The following STXBP5 variants were observed in gnomAD, a reference collection of about 807,000 sequenced individuals.
The protein encoded by STXBP5 is syntaxin-binding protein 5.
A neutral mutation model predicts 152.4 loss-of-function variants in STXBP5; 50 were observed. That is an observed-to-expected ratio of 0.33 (90% CI 0.26 to 0.42). STXBP5 has a LOEUF of 0.42. STXBP5 is among the 10% of genes least tolerant of loss of function. The pLI is 1.00. For synonymous variants in STXBP5, 492 were observed against 494.7 expected (o/e 0.99, Z 0.07); for missense variants, 1,167 against 1,388.6 (o/e 0.84, Z 2.54).
intron 26 of STXBP5, among the ~76,000 whole-genome samples, chr6:147,380,173 TACACACACACACAC>T (rs58343558): frequency 6.3e-5 from 9 of 143,052 alleles, no homozygotes; most frequent in African/African-American, 7.9e-5. Context: ...AATAGCCACG[TACACACACACACAC>T]ACACACACAC....
At chr6:147,306,533 G>T (rs1782101773) in intron 9 of STXBP5, among the ~76,000 whole-genome samples, 1 of 152,206 alleles carries the variant, frequency 6.6e-6, no homozygotes. Context: ...TTGTGGAGAT[G>T]AAAAGGAGGA....
At chr6:147,286,165 CT>C (rs1468955576) in intron 8 of STXBP5, among the ~76,000 whole-genome samples, 1 of 152,138 alleles carries the variant, frequency 6.6e-6, no homozygotes, top group East Asian at 1.9e-4. Flanking sequence ...TTGCAATTCT[CT>C]CTCCCACCTC....
chr6:147,305,329 C>G (rs1462380767), intron 9 of STXBP5, among the ~76,000 whole-genome samples: 1 of 152,202 alleles, frequency 6.6e-6, no homozygotes, highest in East Asian at 1.9e-4. Flanking sequence ...TGTATTTAGA[C>G]AAGTACATCA....
At chr6:147,327,668 C>T (rs1424903561) in intron 18 of STXBP5, among the ~76,000 whole-genome samples, 1 of 152,122 alleles carries the variant, frequency 6.6e-6, no homozygotes. Context: ...GTGTCAAACA[C>T]CTGGACTCAA....
chr6:147,279,710 GT>G (rs1397349458), intron 8 of STXBP5, among the ~76,000 whole-genome samples: 2 of 152,114 alleles, frequency 1.3e-5, no homozygotes, highest in Admixed American at 6.6e-5. Context: ...GTAGGTTCAA[GT>G]TTTTCTTAAT....
intron 21 of STXBP5, among the ~76,000 whole-genome samples, chr6:147,349,883 A>G (rs1279114491): frequency 6.6e-6 from 1 of 152,202 alleles, no homozygotes; most frequent in African/African-American, 2.4e-5. Context: ...GCTAGAATTA[A>G]CACAAGTAAC....
At chr6:147,367,336 C>G (rs1385251558) in intron 25 of STXBP5, among the ~76,000 whole-genome samples, 1 of 152,108 alleles carries the variant, frequency 6.6e-6, no homozygotes, top group Non-Finnish European at 1.5e-5. Context: ...TGTCAACTTT[C>G]ACTTTAAAGA....
At chr6:147,380,359 C>G (rs1416777394) in intron 26 of STXBP5, among the ~76,000 whole-genome samples, 1 of 147,612 alleles carries the variant, frequency 6.8e-6, no homozygotes, top group Non-Finnish European at 1.5e-5. Flanking sequence ...CATTTATGGT[C>G]AATTGTTTTT....
chr6:147,362,272 A>G (rs989789639), intron 23 of STXBP5, among the ~76,000 whole-genome samples: 12 of 152,174 alleles, frequency 7.9e-5, no homozygotes, highest in Admixed American at 7.2e-4. Context: ...CTTAGAAATA[A>G]AAGAAAATAA....
chr6:147,212,050 C>A (rs1188211914), intron 2 of STXBP5, among the ~76,000 whole-genome samples: 1 of 152,168 alleles, frequency 6.6e-6, no homozygotes, highest in Admixed American at 6.5e-5. Context: ...GAGGACATTG[C>A]ATAAAAGGAA....
chr6:147,373,893 C>A, intron 26 of STXBP5, 51 bp downstream of exon 26: 4 of 1,430,020 alleles, frequency 2.8e-6, no homozygotes, highest in South Asian at 1.3e-5. Flanking sequence ...CAGGAACAAG[C>A]CATACAAAAA....
intron 6 of STXBP5, among the ~76,000 whole-genome samples, chr6:147,264,045 T>G (rs934160640): frequency 6.6e-6 from 1 of 151,386 alleles, no homozygotes. Context: ...ATATAATTCA[T>G]TCCATAAATA....
chr6:147,381,743 C>G (rs1046045899), intron 26 of STXBP5, among the ~76,000 whole-genome samples: 1 of 152,052 alleles, frequency 6.6e-6, no homozygotes, highest in Non-Finnish European at 1.5e-5. Context: ...ACATCAATAA[C>G]CTTTGACGTT....
chr6:147,326,124 A>G (rs1361208839), intron 17 of STXBP5, among the ~76,000 whole-genome samples: 1 of 152,204 alleles, frequency 6.6e-6, no homozygotes, highest in Non-Finnish European at 1.5e-5. Flanking sequence ...GGACAACTGT[A>G]CATCAAACTA....
chr6:147,337,354 T>A (rs1562254678), intron 19 of STXBP5, among the ~76,000 whole-genome samples: 1 of 152,072 alleles, frequency 6.6e-6, no homozygotes, highest in Non-Finnish European at 1.5e-5. Flanking sequence ...AACAATAAGC[T>A]GTAGATATTA....
At chr6:147,213,471 T>TGCGCGC (rs1210162851) in intron 2 of STXBP5, among the ~76,000 whole-genome samples, 28 of 121,588 alleles carry the variant, frequency 2.3e-4, no homozygotes, top group Admixed American at 2.4e-4. Flanking sequence ...TGTGTGTGTG[T>TGCGCGC]GTGTGTGCGC....
intron 23 of STXBP5, among the ~76,000 whole-genome samples, chr6:147,360,884 CTT>C (rs1785034900): frequency 6.6e-6 from 1 of 152,070 alleles, no homozygotes. Flanking sequence ...AAATCTATCT[CTT>C]GTTTGTGCCG....
At chr6:147,367,228 A>T (rs539705506) in intron 25 of STXBP5, among the ~76,000 whole-genome samples, 19 of 152,364 alleles carry the variant, frequency 1.2e-4, no homozygotes, top group African/African-American at 3.8e-4. Flanking sequence ...AGTGTACTTG[A>T]AAGTATAGCA....
chr6:147,220,057 AATTTT>A (rs1434508541), intron 2 of STXBP5, among the ~76,000 whole-genome samples: 1 of 151,772 alleles, frequency 6.6e-6, no homozygotes, highest in Non-Finnish European at 1.5e-5. Context: ...GTTTCCCATA[AATTTT>A]GATAAGTTGT....
Sources: gnomAD v4.1 joint callset for allele counts (sites outside exome capture counted in the v4.1 genomes callset) on GRCh38, gnomAD v4.1.1 for gene constraint, MANE v1.5 for transcripts, NCBI Gene and HGNC (gene_info 2026-07-23, HGNC 2026-07-21) for gene names.